The following USP32 variants were observed in gnomAD, a reference collection of about 807,000 sequenced individuals.
USP32 encodes ubiquitin carboxyl-terminal hydrolase 32.
Under a neutral mutation model 204.8 loss-of-function variants are expected in USP32, and 59 were observed. The ratio of observed to expected loss-of-function variants is 0.29; its 90% CI spans 0.23 to 0.36. USP32 has a LOEUF of 0.36. USP32 is among the 10% of genes least tolerant of loss of function. The pLI, the probability that USP32 is intolerant of heterozygous loss-of-function variation, is 1.00. For missense variants in USP32, 1,160 were observed against 1,946.4 expected, an observed-to-expected ratio of 0.60 and a Z score of 7.60; for synonymous variants, 517 against 678.4, an observed-to-expected ratio of 0.76 and a Z score of 3.70.
At chr17:60,207,979 T>C in intron 24 of USP32, 80 bp downstream of exon 24, 1 of 1,476,830 alleles carries the variant, frequency 6.8e-7, no homozygotes, top group East Asian at 2.3e-5. Flanking sequence ...TCACATAACC[T>C]AACAATTGAT....
intron 5 of USP32, among the ~76,000 whole-genome samples, chr17:60,277,987 GC>G (rs1884569673): frequency 6.7e-6 from 1 of 149,144 alleles, no homozygotes. Context: ...GCTCAATGTG[GC>G]CTCAACCTCC....
At position 60,192,824 on chromosome 17, in the gene USP32, T is replaced by G. The variant is rs748198875; in HGVS notation, c.3521+20A>C. 2 of 1,611,232 alleles carry G rather than the reference T, an allele frequency of 1.2e-6. No individual in the cohort carries two copies. Among genetic ancestry groups the G allele is most frequent in the Non-Finnish European group, 1.7e-6 (2 of 1,177,434 alleles). Reference sequence around the variant, plus strand: ...AAAGCTGAAATTCTACTAAAGTAATTCTTTTGCAGGTCACTTTACCTATAC... The same window carrying G: ...AAAGCTGAAATTCTACTAAAGTAATGCTTTTGCAGGTCACTTTACCTATAC... On this transcript the variant is annotated intron_variant, in intron 28 of 33. Transcript: ENST00000300896.
At chr17:60,343,602 A>G (rs542981256) in intron 2 of USP32, among the ~76,000 whole-genome samples, 60 of 152,332 alleles carry the variant, frequency 3.9e-4, no homozygotes, top group African/African-American at 1.4e-3. Context: ...TTTGAAACCA[A>G]TGAGAACAAA....
At chr17:60,379,749 TATAA>T (rs1410379272) in intron 1 of USP32, among the ~76,000 whole-genome samples, 1 of 152,250 alleles carries the variant, frequency 6.6e-6, no homozygotes, top group Non-Finnish European at 1.5e-5. Context: ...TCAGAAGACG[TATAA>T]ATGAGAGCAA....
chr17:60,198,493 T>C, intron 26 of USP32, 49 bp from the exon 27 acceptor site: 1 of 1,600,268 alleles, frequency 6.2e-7, no homozygotes, highest in Non-Finnish European at 8.5e-7. Flanking sequence ...AGGCCTCTGA[T>C]TCCTCCCTTT....
upstream of USP32, among the ~76,000 whole-genome samples, chr17:60,394,107 A>AT (rs1232222413): frequency 6.6e-6 from 1 of 152,166 alleles, no homozygotes; most frequent in African/African-American, 2.4e-5. Context: ...GATTAGCTGC[A>AT]TTACTGAAAG....
At chr17:60,259,115 G>A (rs1029135538) in intron 9 of USP32, among the ~76,000 whole-genome samples, 4 of 152,128 alleles carry the variant, frequency 2.6e-5, no homozygotes, top group African/African-American at 9.7e-5. Flanking sequence ...TCACATGGTA[G>A]GAACCAGCAA....
chr17:60,221,387 T>C (rs1446333191), intron 15 of USP32, among the ~76,000 whole-genome samples: 2 of 152,170 alleles, frequency 1.3e-5, no homozygotes, highest in Admixed American at 1.3e-4. Context: ...ATTACATTAG[T>C]CTGTTTTATA....
chr17:60,281,961 T>C (rs1027796096), intron 5 of USP32, among the ~76,000 whole-genome samples: 3 of 152,242 alleles, frequency 2.0e-5, no homozygotes, highest in Admixed American at 6.5e-5. Flanking sequence ...TATGCCATAG[T>C]AGACTTACGG....
chr17:60,319,556 T>C (rs1050410916), intron 2 of USP32, among the ~76,000 whole-genome samples: 2 of 152,172 alleles, frequency 1.3e-5, no homozygotes, highest in Admixed American at 6.5e-5. Context: ...GGCGGGCAGA[T>C]TGCTTGAGCC....
intron 4 of USP32, among the ~76,000 whole-genome samples, chr17:60,290,818 T>G (rs909781025): frequency 2.6e-5 from 4 of 151,862 alleles, no homozygotes; most frequent in African/African-American, 9.7e-5. Flanking sequence ...GGGCTTAAAG[T>G]TGAGCTGATT....
At chr17:60,388,289 TACACACACACACACACACAC>T (rs35068599) in intron 1 of USP32, among the ~76,000 whole-genome samples, 1 of 141,912 alleles carries the variant, frequency 7.0e-6, no homozygotes, top group African/African-American at 2.7e-5. Flanking sequence ...AGCCGATTCT[TACACACACACACACACACAC>T]ACACACACAC....
At chr17:60,267,458 C>T (rs951993458) in intron 7 of USP32, among the ~76,000 whole-genome samples, 4 of 152,204 alleles carry the variant, frequency 2.6e-5, no homozygotes, top group Non-Finnish European at 5.9e-5. Context: ...AGACAGTCCA[C>T]TTCCATGTTA....
intron 1 of USP32, chr17:60,421,511 G>C: frequency 1.0e-6 from 1 of 985,476 alleles, no homozygotes; most frequent in Non-Finnish European, 1.2e-6. Context: ...AACTGGGCCC[G>C]GGCCCAGAGG....
intron 1 of USP32, among the ~76,000 whole-genome samples, chr17:60,384,829 T>C (rs571223924): frequency 4.6e-5 from 7 of 150,818 alleles, no homozygotes; most frequent in African/African-American, 1.5e-4. Flanking sequence ...AGAGCCTGGC[T>C]GGGCGTGGTG....
intron 10 of USP32, among the ~76,000 whole-genome samples, chr17:60,252,997 T>C (rs1162192854): frequency 6.6e-6 from 1 of 152,138 alleles, no homozygotes; most frequent in Non-Finnish European, 1.5e-5. Flanking sequence ...TAAAATGTAA[T>C]AAAATTTAGG....
intron 1 of USP32, among the ~76,000 whole-genome samples, chr17:60,377,943 A>T (rs2089579033): frequency 6.6e-6 from 1 of 152,220 alleles, no homozygotes; most frequent in Non-Finnish European, 1.5e-5. Context: ...ACTTTTGGGC[A>T]TTAAAAGATC....
At chr17:60,405,132 T>A (rs2089965499) in intron 1 of USP32, among the ~76,000 whole-genome samples, 1 of 152,164 alleles carries the variant, frequency 6.6e-6, no homozygotes, top group Non-Finnish European at 1.5e-5. Context: ...GCCACTGCAC[T>A]CCAGCCTAGG....
At chr17:60,278,809 T>C (rs913877639) in intron 5 of USP32, among the ~76,000 whole-genome samples, 1 of 152,206 alleles carries the variant, frequency 6.6e-6, no homozygotes, top group Non-Finnish European at 1.5e-5. Context: ...GAGAGGACTA[T>C]TCACGTACTA....
Sources: gnomAD v4.1 joint callset for allele counts (sites outside exome capture counted in the v4.1 genomes callset) on GRCh38, gnomAD v4.1.1 for gene constraint, MANE v1.5 for transcripts, NCBI Gene and HGNC (gene_info 2026-07-23, HGNC 2026-07-21) for gene names.